The following CNTNAP5 variants were observed in gnomAD, a reference collection of about 807,000 sequenced individuals.
The protein encoded by CNTNAP5 is contactin associated protein family member 5.
In CNTNAP5, 72 loss-of-function variants were observed where a neutral mutation model predicts 150.2. The observed-to-expected ratio is 0.48, with a 90% CI of 0.40 to 0.58. The LOEUF is 0.58. Among genes scored for constraint, CNTNAP5 ranks in the 20% least tolerant of loss-of-function variants. The pLI is 0.00. For missense variants in CNTNAP5, 1,636 were observed against 1,626.2 expected (o/e 1.01, Z -0.10); for synonymous variants, 672 against 619.8 (o/e 1.08, Z -1.25).
At chr2:124,856,343 T>C (rs549983641) in intron 19 of CNTNAP5, among the ~76,000 whole-genome samples, 2 of 152,278 alleles carry the variant, frequency 1.3e-5, no homozygotes, top group South Asian at 4.1e-4. Flanking sequence ...TACTTTCCTG[T>C]GTAGATACCC....
intron 1 of CNTNAP5, among the ~76,000 whole-genome samples, chr2:124,062,344 G>A (rs1682032303): frequency 6.6e-6 from 1 of 152,100 alleles, no homozygotes; most frequent in African/African-American, 2.4e-5. Context: ...CTTTGGCTCA[G>A]AATGCTCTTC....
chr2:124,651,384 A>C (rs182045974), intron 13 of CNTNAP5, among the ~76,000 whole-genome samples: 1 of 152,348 alleles, frequency 6.6e-6, no homozygotes. Flanking sequence ...TGAAAGACAA[A>C]GAAATATTTA....
At chr2:124,173,607 A>T (rs996814040) in intron 1 of CNTNAP5, among the ~76,000 whole-genome samples, 1 of 152,338 alleles carries the variant, frequency 6.6e-6, no homozygotes, top group East Asian at 1.9e-4. Flanking sequence ...TAATGGCTGA[A>T]AGAGGAGAGA....
chr2:124,637,680 T>C (rs2105016052), intron 12 of CNTNAP5, among the ~76,000 whole-genome samples: 1 of 152,304 alleles, frequency 6.6e-6, no homozygotes, highest in African/African-American at 2.4e-5. Flanking sequence ...CTGTGACGTG[T>C]TGCTTTTCTA....
intron 8 of CNTNAP5, among the ~76,000 whole-genome samples, chr2:124,513,883 A>G (rs971540310): frequency 2.2e-4 from 34 of 152,160 alleles, no homozygotes; most frequent in Non-Finnish European, 4.4e-5. Flanking sequence ...AACAGAGCTG[A>G]TCCCCAAATA....
intron 19 of CNTNAP5, among the ~76,000 whole-genome samples, chr2:124,811,076 A>G (rs1483508761): frequency 1.3e-5 from 2 of 152,094 alleles, no homozygotes; most frequent in African/African-American, 4.8e-5. Flanking sequence ...TTGCATGCAT[A>G]TATCAGACAA....
chr2:124,026,198 G>C (rs1464348357), intron 1 of CNTNAP5, among the ~76,000 whole-genome samples: 2 of 152,174 alleles, frequency 1.3e-5, no homozygotes, highest in Non-Finnish European at 2.9e-5. Flanking sequence ...GTGGCTCTGC[G>C]TTCTGCCCTA....
intron 1 of CNTNAP5, among the ~76,000 whole-genome samples, chr2:124,056,727 G>A (rs1398485471): frequency 6.6e-6 from 1 of 152,158 alleles, no homozygotes; most frequent in Non-Finnish European, 1.5e-5. Context: ...AATGCAAAGT[G>A]ATAACATACA....
chr2:124,343,102 A>C (rs1342412201), intron 3 of CNTNAP5, among the ~76,000 whole-genome samples: 1 of 152,210 alleles, frequency 6.6e-6, no homozygotes, highest in South Asian at 2.1e-4. Context: ...GTGGACAACG[A>C]GACAAGACTT....
intron 19 of CNTNAP5, among the ~76,000 whole-genome samples, chr2:124,811,642 A>G (rs535853559): frequency 6.0e-4 from 90 of 150,648 alleles, no homozygotes; most frequent in African/African-American, 2.2e-3. Context: ...GCATGATGAA[A>G]TAATTAAATT....
chr2:124,245,581 CTGTG>C (rs35056317), intron 3 of CNTNAP5, among the ~76,000 whole-genome samples: 6 of 148,148 alleles, frequency 4.1e-5, no homozygotes, highest in Non-Finnish European at 6.0e-5. Context: ...ACATATATAT[CTGTG>C]TGTGTGTGTG....
intron 12 of CNTNAP5, among the ~76,000 whole-genome samples, chr2:124,641,126 C>CA (rs78602781): frequency 8.7e-4 from 86 of 98,436 alleles, no homozygotes; most frequent in African/African-American, 1.6e-3. Context: ...AACTCCATCT[C>CA]AAAAAAAAAA....
At chr2:124,371,134 G>A (rs1350720405) in intron 3 of CNTNAP5, among the ~76,000 whole-genome samples, 1 of 152,112 alleles carries the variant, frequency 6.6e-6, no homozygotes, top group East Asian at 1.9e-4. Context: ...TGCTTCAGGG[G>A]AAGGTCAGAA....
intron 13 of CNTNAP5, among the ~76,000 whole-genome samples, chr2:124,734,432 T>C (rs1573581335): frequency 6.6e-6 from 1 of 152,216 alleles, no homozygotes; most frequent in Non-Finnish European, 1.5e-5. Context: ...ACCTCACTGA[T>C]ATTTTCAAAT....
intron 3 of CNTNAP5, among the ~76,000 whole-genome samples, chr2:124,349,104 C>A (rs562297045): frequency 3.9e-5 from 6 of 152,242 alleles, no homozygotes; most frequent in Admixed American, 1.3e-4. Context: ...ATAGTCATGT[C>A]ACTCACAACG....
intron 3 of CNTNAP5, among the ~76,000 whole-genome samples, chr2:124,293,137 A>G (rs1476665641): frequency 6.6e-6 from 1 of 150,632 alleles, no homozygotes; most frequent in African/African-American, 2.4e-5. Context: ...GCAAATAAAT[A>G]TTTTTAAAAA....
chr2:124,399,272 AT>A (rs1691343996), intron 3 of CNTNAP5, among the ~76,000 whole-genome samples: 1 of 152,140 alleles, frequency 6.6e-6, no homozygotes, highest in Admixed American at 6.5e-5. Context: ...AATGTGGGTT[AT>A]TATGTGGTTT....
chr2:124,670,180 C>CTTCCTTCCTTT (rs1201118196), intron 13 of CNTNAP5, among the ~76,000 whole-genome samples: 1 of 144,876 alleles, frequency 6.9e-6, no homozygotes, highest in Admixed American at 6.9e-5. Flanking sequence ...TTCCTTCCTC[C>CTTCCTTCCTTT]CTCTCTTTCT....
intron 1 of CNTNAP5, among the ~76,000 whole-genome samples, chr2:124,137,764 C>G (rs911804351): frequency 1.3e-5 from 2 of 152,046 alleles, no homozygotes; most frequent in Non-Finnish European, 2.9e-5. Context: ...TGAAGAGATA[C>G]CAAGATGTGA....
Sources: gnomAD v4.1 joint callset for allele counts (sites outside exome capture counted in the v4.1 genomes callset) on GRCh38, gnomAD v4.1.1 for gene constraint, MANE v1.5 for transcripts, NCBI Gene and HGNC (gene_info 2026-07-23, HGNC 2026-07-21) for gene names.